Variants in PREX2 observed in about 807,000 individuals in gnomAD.
The protein encoded by PREX2 is phosphatidylinositol 3,4,5-trisphosphate-dependent Rac exchanger 2 protein.
In PREX2, 107 loss-of-function variants were observed where a neutral mutation model predicts 203.2. That is an observed-to-expected ratio of 0.53 (90% CI 0.45 to 0.62). The LOEUF is 0.62. Among genes scored for constraint, PREX2 ranks in the 20% least tolerant of loss-of-function variants. The pLI is 0.00. For missense variants in PREX2, 1,777 were observed against 1,955.9 expected, an observed-to-expected ratio of 0.91 and a Z score of 1.72; for synonymous variants, 672 against 663.6, an observed-to-expected ratio of 1.01 and a Z score of -0.19.
At chr8:68,062,383 G>A (rs570855711) in intron 11 of PREX2, among the ~76,000 whole-genome samples, 1 of 152,242 alleles carries the variant, frequency 6.6e-6, no homozygotes, top group Non-Finnish European at 1.5e-5. Context: ...TTAAAGAAAA[G>A]TTCAGACCTA....
At chr8:68,070,584 A>G (rs1177893735) in intron 13 of PREX2, among the ~76,000 whole-genome samples, 1 of 152,176 alleles carries the variant, frequency 6.6e-6, no homozygotes, top group Non-Finnish European at 1.5e-5. Flanking sequence ...AGAATGTTAA[A>G]CTAATTTGAA....
At chr8:67,958,431 G>C (rs1479523976) in intron 1 of PREX2, among the ~76,000 whole-genome samples, 1 of 152,178 alleles carries the variant, frequency 6.6e-6, no homozygotes, top group East Asian at 1.9e-4. Flanking sequence ...TTAGGGGTCT[G>C]AAACAGTCTT....
intron 30 of PREX2, among the ~76,000 whole-genome samples, chr8:68,123,712 A>G (rs1256546922): frequency 6.6e-6 from 1 of 152,082 alleles, no homozygotes; most frequent in African/African-American, 2.4e-5. Context: ...TGAACCAGAA[A>G]GAAATTGAAT....
chr8:68,127,625 T>TAC (rs963643396), intron 31 of PREX2, among the ~76,000 whole-genome samples: 6 of 151,432 alleles, frequency 4.0e-5, no homozygotes, highest in Admixed American at 1.3e-4. Context: ...TATATATATA[T>TAC]ACACACATAC....
intron 1 of PREX2, among the ~76,000 whole-genome samples, chr8:67,979,279 C>T (rs1346094628): frequency 6.6e-6 from 1 of 152,106 alleles, no homozygotes; most frequent in Non-Finnish European, 1.5e-5. Context: ...TGAGTTATGT[C>T]CTTAGAGCTC....
In PREX2 at chr8:67,956,300, T is replaced by C. The variant is rs150256238; in HGVS notation, c.141+3765T>C. 7.1e-3 allele frequency among the ~76,000 whole-genome samples: 1,085 copies of C among 152,316 alleles called. 10 individuals carry two copies. The highest frequency in any genetic ancestry group is 0.025 in the African/African-American group (1,047 of 41,570). On this transcript the variant is annotated intron_variant, in intron 1 of 39. Transcript: ENST00000288368. ...AGAGCCTGCCGAGATGACAGACTCA[T>C]GTGAGTGGACAGAGAAAAGGAAGAC...
intron 1 of PREX2, among the ~76,000 whole-genome samples, chr8:67,975,580 T>C (rs1029072395): frequency 6.6e-6 from 1 of 151,586 alleles, no homozygotes; most frequent in Admixed American, 6.6e-5. Flanking sequence ...AGCAAACAAA[T>C]ATTACTATGA....
At chr8:67,963,668 TA>T (rs1462027584) in intron 1 of PREX2, among the ~76,000 whole-genome samples, 2 of 151,900 alleles carry the variant, frequency 1.3e-5, no homozygotes, top group Non-Finnish European at 2.9e-5. Context: ...AAAAGAATAG[TA>T]TTTTTTTTTT....
intron 25 of PREX2, among the ~76,000 whole-genome samples, chr8:68,115,373 CA>C (rs1382075018): frequency 1.3e-5 from 2 of 152,098 alleles, no homozygotes; most frequent in Non-Finnish European, 2.9e-5. Context: ...TGCTAATGGC[CA>C]GGGGCTAGAG....
rs572664005 is a variant in PREX2, at chr8:68,152,378, A to T, written c.4232-4944A>T. On this transcript the variant is annotated intron_variant, in intron 34 of 39. Coordinates refer to ENST00000288368, the MANE Select transcript of PREX2 (RefSeq NM_024870.4). ...ATAATTGAAACAATATAGCTTTTTT[A>T]CAAAAGAAGAAATCGTTTCCAGGAT... Among the ~76,000 whole-genome samples, 75 of 150,734 alleles carry T rather than the reference A, an allele frequency of 5.0e-4. 1 individual carries two copies. The highest frequency in any genetic ancestry group is 2.3e-3 in the South Asian group (11 of 4,764).
chr8:68,144,967 G>A (rs1811297010), intron 33 of PREX2, among the ~76,000 whole-genome samples: 1 of 151,974 alleles, frequency 6.6e-6, no homozygotes, highest in African/African-American at 2.4e-5. Context: ...TGCCTATATT[G>A]ATGCCAAAGA....
intron 35 of PREX2, among the ~76,000 whole-genome samples, chr8:68,177,620 C>T (rs747355256): frequency 2.2e-4 from 33 of 152,102 alleles, no homozygotes; most frequent in Non-Finnish European, 4.3e-4. Context: ...TTTCCATGTA[C>T]TTTTTTTTCC....
In PREX2 at chr8:67,952,526, C is replaced by T. The variant is rs546875870; in HGVS notation, c.132C>T (p.Phe44=). 1.2e-6 allele frequency: 2 copies of T among 1,609,736 alleles called. No homozygotes were observed. The highest frequency in any genetic ancestry group is 1.7e-6 in the Non-Finnish European group (2 of 1,178,156). The stretch of plus-strand genomic sequence containing the variant: ...GGGACTATGTGGGCACGCTGGAGTT[C>T]CTGGTGTCGGTGAGTGTCCCCGGCA... The part of the protein sequence containing the change: ...TERDYVGTLE[F]LVSAFLHRMN... Residue 44 remains phenylalanine, a synonymous_variant, in exon 1 of 40, where the codon TTC becomes TTT. Transcript: ENST00000288368.
intron 35 of PREX2, among the ~76,000 whole-genome samples, chr8:68,170,250 A>G (rs765584914): frequency 8.5e-5 from 13 of 152,212 alleles, no homozygotes; most frequent in Non-Finnish European, 1.6e-4. Flanking sequence ...TATGTAGGCC[A>G]TTGTAGGAAG....
rs191555386 is a variant in PREX2, at chr8:68,016,544, T to C, written c.142-1302T>C. ...TGGTAATCAATACAATGAATCCCCT[T>C]GTTTGAATATTTTTCTTAGAATAAA... On this transcript the variant is annotated intron_variant, in intron 1 of 39. Transcript: ENST00000288368. Among the ~76,000 whole-genome samples, 125 of 152,326 alleles carry C rather than the reference T, an allele frequency of 8.2e-4. 2 individuals carry two copies. The highest frequency in any genetic ancestry group is 2.7e-3 in the African/African-American group (113 of 41,568).
chr8:68,019,757 A>C, intron 3 of PREX2, 86 bp downstream of exon 3: 1 of 1,278,250 alleles, frequency 7.8e-7, no homozygotes, highest in Non-Finnish European at 1.1e-6. Flanking sequence ...GTGTGAATTC[A>C]GTATTAGAAG....
chr8:68,028,392 C>T (rs894439409), intron 5 of PREX2, among the ~76,000 whole-genome samples: 5 of 151,920 alleles, frequency 3.3e-5, no homozygotes, highest in Admixed American at 2.6e-4. Context: ...GGCATCTAAA[C>T]TTCACAAAAT....
chr8:67,996,362 A>ATT (rs5892122), intron 1 of PREX2, among the ~76,000 whole-genome samples: 5 of 147,618 alleles, frequency 3.4e-5, no homozygotes, highest in Admixed American at 6.8e-5. Context: ...TGCCTGGCTA[A>ATT]TTTTTTTTTT....
chr8:68,060,824 C>T, intron 11 of PREX2, 45 bp downstream of exon 11: 5 of 1,233,478 alleles, frequency 4.1e-6, no homozygotes, highest in Non-Finnish European at 5.8e-6. Flanking sequence ...ATTTATTGGC[C>T]ATATGTATCT....
Sources: gnomAD v4.1 joint callset for allele counts (sites outside exome capture counted in the v4.1 genomes callset) on GRCh38, gnomAD v4.1.1 for gene constraint, MANE v1.5 for transcripts, NCBI Gene and HGNC (gene_info 2026-07-23, HGNC 2026-07-21) for gene names.